Variants in MUC5AC observed in about 807,000 individuals in gnomAD.
MUC5AC encodes the protein mucin 5AC, oligomeric mucus/gel-forming, also known as mucin-5AC.
In MUC5AC, 158 loss-of-function variants were observed where a neutral mutation model predicts 169.7. That is an observed-to-expected ratio of 0.93 (90% CI 0.82 to 1.06). MUC5AC has a LOEUF of 1.06. MUC5AC is among the 50% of genes least tolerant of loss of function. MUC5AC has a pLI of 0.00. For missense variants in MUC5AC, 4,359 were observed against 3,089.9 expected (o/e 1.41, Z -9.74); for synonymous variants, 1,975 against 1,237.0 (o/e 1.60, Z -12.52).
chr11:1,160,491 C>A, intron 1 of MUC5AC, 121 bp from the exon 2 acceptor site: 2 of 781,940 alleles, frequency 2.6e-6, no homozygotes, highest in Non-Finnish European at 4.2e-6. Context: ...GCCCTTGCCA[C>A]GGGCCACCCC....
rs1222965793 is a variant in MUC5AC, at chr11:1,180,163, C to T, written c.3613+13C>T. ...CGGGGCCTGGAAGGTGGGCTGGGGCCGGTCGGAGGGTGGCCTGGGCTCCGC... is the reference window on the plus strand; with the variant it reads ...CGGGGCCTGGAAGGTGGGCTGGGGCTGGTCGGAGGGTGGCCTGGGCTCCGC... On this transcript the variant is annotated intron_variant, in intron 27 of 48. Transcript: ENST00000621226. 3.3e-5 allele frequency: 8 copies of T among 245,006 alleles called. No individual in the cohort carries two copies. Among genetic ancestry groups the T allele is most frequent in the African/African-American group, 1.4e-4 (1 of 7,164 alleles). 15.2% of individuals were successfully genotyped at this position (245,006 alleles called of 1,614,324 possible).
chr11:1,162,571 G>A lies in MUC5AC; in HGVS notation c.513G>A (p.Gln171=). 6.2e-7 allele frequency: 1 copy of A among 1,612,678 alleles called. No homozygotes were observed. The highest frequency in any genetic ancestry group is 8.5e-7 in the Non-Finnish European group (1 of 1,179,856). ...LPFSQSGVLI[Q]QSSSYTKVEA... ...TCAGCCAGTCTGGGGTCCTCATTCA[G>A]CAGAGCAGCAGCTACACCAAGGTGG... The change falls in exon 5 of 49, where the codon CAG becomes CAA. Residue 171 remains glutamine, a synonymous_variant. Coordinates refer to ENST00000621226, the MANE Select transcript of MUC5AC (RefSeq NM_001304359.2).
rs1387314551 is a variant in MUC5AC, at chr11:1,199,992, G to A, written c.16700+23G>A. The A allele has an allele frequency of 9.4e-6, 7 of 741,162 alleles. No individual in the cohort carries two copies. In the East Asian group the frequency reaches 1.2e-4, roughly 13 times the overall value. The allele number at this position is 741,162 out of a possible 1,614,324, so 45.9% of individuals were successfully genotyped here. A position where few individuals can be genotyped will look rare whatever the true frequency, so the allele number is the denominator to read the frequency against. On this transcript the variant is annotated intron_variant, in intron 48 of 48. Transcript: ENST00000621226. ...CATGTACGTGCCTGGGCAGCAGGCA[G>A]GGAGACGCGATTGGCTGTGGGGTGC...
intron 32 of MUC5AC, among the ~76,000 whole-genome samples, chr11:1,193,283 G>A (rs1489788132): frequency 7.1e-6 from 1 of 141,482 alleles, no homozygotes; most frequent in African/African-American, 2.7e-5. Flanking sequence ...GAGCCAGGGA[G>A]GAGCCACTCC....
chr11:1,194,736 A>G, intron 35 of MUC5AC, 66 bp downstream of exon 35: 1 of 687,116 alleles, frequency 1.5e-6, no homozygotes, highest in Non-Finnish European at 2.6e-6. Flanking sequence ...GGCAGGGGCG[A>G]GGCCACCACG....
At position 1,194,125 on chromosome 11, in the gene MUC5AC, G is replaced by C; in HGVS notation, c.14771G>C (p.Trp4924Ser). 1 of 764,954 alleles carries C rather than the reference G, an allele frequency of 1.3e-6. No homozygotes were observed. The highest frequency in any genetic ancestry group is 2.4e-6 in the Non-Finnish European group (1 of 417,792). The allele number at this position is 764,954 out of a possible 1,614,324, so 47.4% of individuals were successfully genotyped here. A position where few individuals can be genotyped will look rare whatever the true frequency, so the allele number is the denominator to read the frequency against. ...HYQCQCVCSG[W>S]GDPHYITFDG... is the part of the protein sequence containing the mutation. ...GGCCTGGCAGGTGTGTGCAGCGGCT[G>C]GGGTGACCCCCACTACATCACCTTC... The change falls in exon 34 of 49, where the codon TGG becomes TCG. Residue 4924 changes from tryptophan (W) to serine (S), a missense_variant. Coordinates refer to ENST00000621226, the MANE Select transcript of MUC5AC (RefSeq NM_001304359.2).
chr11:1,181,541 C>A (rs1860815834), intron 30 of MUC5AC, 82 bp downstream of exon 30: 1 of 397,970 alleles, frequency 2.5e-6, no homozygotes, highest in South Asian at 1.3e-4. Context: ...ACGCTGAGGT[C>A]ACAGCAGCTC....
rs1399290413 is a variant in MUC5AC, at chr11:1,177,048, C to A, written c.2775C>A (p.Cys925Ter). 1 of 398,776 alleles carries A rather than the reference C, an allele frequency of 2.5e-6. No homozygotes were observed. Among genetic ancestry groups the A allele is most frequent in the Admixed American group, 4.4e-5 (1 of 22,740 alleles). 24.7% of individuals were successfully genotyped at this position (398,776 alleles called of 1,614,324 possible). Residue 925 changes from cysteine to a stop codon, truncating the protein, a stop_gained, in exon 22 of 49, where the codon TGC becomes TGA. Transcript: ENST00000621226. LOFTEE classifies it high-confidence loss of function. ...AGAGCTACAGCTTCAACGGAGACTG[C>A]GAGTACACGCTGGTGCAGGTGAGCC... Reference protein sequence around the residue: ...DGQSYSFNGDCEYTLVQNHCG... With the variant: ...DGQSYSFNGD
intron 23 of MUC5AC, 45 bp downstream of exon 23, chr11:1,177,389 G>A (rs923122838): frequency 1.2e-5 from 5 of 411,280 alleles, no homozygotes; most frequent in Admixed American, 4.2e-5. Context: ...AGGCTCCCAT[G>A]GCAGCGTCTG....
chr11:1,158,752 G>A (rs1034306628), intron 1 of MUC5AC, among the ~76,000 whole-genome samples: 1 of 152,166 alleles, frequency 6.6e-6, no homozygotes, highest in African/African-American at 2.4e-5. Flanking sequence ...GGTTTGGAGG[G>A]GGGTGGGTGC....
At chr11:1,175,796 ACACCCACCCACTCATGCACAC>A (rs1860664502) in intron 19 of MUC5AC, among the ~76,000 whole-genome samples, 2 of 104,840 alleles carry the variant, frequency 1.9e-5, no homozygotes, top group Admixed American at 9.9e-5. Context: ...ACACGCACTC[ACACCCACCCACTCATGCACAC>A]CACACCCACT....
rs961798989 is a variant in MUC5AC at position 1,182,196 on chromosome 11, G to C, written c.4051G>C (p.Ala1351Pro). The C allele has an allele frequency of 5.0e-6, 2 of 398,588 alleles. No homozygotes were observed. Among genetic ancestry groups the C allele is most frequent in the Admixed American group, 8.8e-5 (2 of 22,722 alleles). The allele number at this position is 398,588 out of a possible 1,614,324, so 24.7% of individuals were successfully genotyped here. A position where few individuals can be genotyped will look rare whatever the true frequency, so the allele number is the denominator to read the frequency against. ...CACCCCCAGCAATGGCCCAAGCAGC[G>C]CGCACACAGGCCCTCCGAGCAGCGC... Reference protein sequence around the residue: ...THTPSNGPSSAHTGPPSSAWP... With the variant: ...THTPSNGPSSPHTGPPSSAWP... The change falls in exon 31 of 49, where the codon GCG (alanine) becomes CCG (proline). Residue 1351 changes from alanine to proline, a missense_variant. Ala to Pro is a conservative substitution (Grantham distance 27). Transcript: ENST00000621226.
intron 9 of MUC5AC, 100 bp downstream of exon 9, chr11:1,164,632 T>G (rs1860250929): frequency 1.0e-5 from 15 of 1,444,986 alleles, no homozygotes; most frequent in Non-Finnish European, 1.3e-5. Context: ...AGTCCTAGTG[T>G]CCCGGGCCCC....
rs760195607 is a variant in MUC5AC at position 1,163,020 on chromosome 11, C to G, written c.654C>G (p.Pro218=). ...TCTGTGGGGACTTCAACGGGATGCC[C>G]GTGGTCAGCGAGCTCCTCTCCCACA... ...CGLCGDFNGM[P]VVSELLSHNT... is the part of the protein sequence containing the mutation. Residue 218 remains proline (P), a synonymous_variant, in exon 6 of 49, where the codon CCC becomes CCG. Transcript: ENST00000621226. The G allele has an allele frequency of 1.2e-6, 2 of 1,612,658 alleles. No individual in the cohort carries two copies. Among genetic ancestry groups the G allele is most frequent in the Admixed American group, 1.7e-5 (1 of 60,028 alleles).
intron 28 of MUC5AC, 114 bp from the exon 29 acceptor site, chr11:1,181,025 G>A (rs2133750586): frequency 2.5e-6 from 1 of 397,296 alleles, no homozygotes; most frequent in African/African-American, 2.1e-5. Flanking sequence ...GCAGTTCCCA[G>A]GGAACTCCAC....
chr11:1,162,506 C>A, intron 4 of MUC5AC, 26 bp from the exon 5 acceptor site: 1 of 1,599,070 alleles, frequency 6.3e-7, no homozygotes. Context: ...GCGCTCCCAG[C>A]CCCTCAGCCC....
In MUC5AC at chr11:1,188,487, TCTGCTACTACAACCAGCACAAC is replaced by T; in HGVS notation, c.10345_10366del (p.Ala3449LeufsTer122). On this transcript the variant is annotated frameshift_variant, in exon 31 of 49. Transcript: ENST00000621226. LOFTEE classifies it high-confidence loss of function. ...CTCTTCCCCTACAACCAGCACAACC[TCTGCTACTACAACCAGCACAAC>T]CTCTGCCCCTACAAGCAGCACAACC... The T allele has an allele frequency of 1.4e-6, 1 of 697,518 alleles. No individual in the cohort carries two copies. Among genetic ancestry groups the T allele is most frequent in the African/African-American group, 1.8e-5 (1 of 57,054 alleles). 43.2% of individuals were successfully genotyped at this position (697,518 alleles called of 1,614,324 possible).
chr11:1,168,552 G>A lies in MUC5AC; in HGVS notation c.1567G>A (p.Ala523Thr). ...QIYTQLPISAANVTIFRPSTF... is the reference protein window; with the variant it reads ...QIYTQLPISATNVTIFRPSTF... ...CTACACCCAGCTGCCCATCTCTGCA[G>A]GTGAGGGCAGTGGCTTCTTCCCCAC... The change falls in exon 13 of 49, where the codon GCC (alanine) becomes ACC (threonine). Residue 523 changes from alanine (A) to threonine (T), a missense_variant and splice_region_variant. Physicochemically the swap from Ala to Thr is moderately conservative, Grantham distance 58. Transcript: ENST00000621226. 1 of 1,612,622 alleles carries A rather than the reference G, an allele frequency of 6.2e-7. No individual in the cohort carries two copies. Among genetic ancestry groups the A allele is most frequent in the Non-Finnish European group, 8.5e-7 (1 of 1,179,814 alleles).
chr11:1,192,554 T>A (rs1861150724), intron 31 of MUC5AC, 29 bp downstream of exon 31: 1 of 760,196 alleles, frequency 1.3e-6, no homozygotes, highest in Admixed American at 1.7e-5. Flanking sequence ...TGCAATTGTT[T>A]CTGAGCTCAC....
Sources: allele counts gnomAD v4.1 joint callset (sites outside exome capture counted in the v4.1 genomes callset), GRCh38; gene constraint gnomAD v4.1.1; transcripts MANE v1.5; gene names NCBI Gene and HGNC (gene_info 2026-07-23, HGNC 2026-07-21).